The following ZFP2 variants were observed in gnomAD, a reference collection of about 807,000 sequenced individuals.
ZFP2 encodes ZFP2 zinc finger protein.
A neutral mutation model predicts 36.1 loss-of-function variants in ZFP2; 33 were observed. That is an observed-to-expected ratio of 0.92 (90% CI 0.69 to 1.22). The LOEUF (loss-of-function observed/expected upper bound fraction) is 1.22, where lower values mean the gene tolerates loss of function less well. Ranked by LOEUF, ZFP2 falls within the 50% of genes most tolerant of loss-of-function variation. The pLI, the probability that ZFP2 is intolerant of heterozygous loss-of-function variation, is 0.00. For missense variants in ZFP2, 522 were observed against 551.4 expected (o/e 0.95, Z 0.53); for synonymous variants, 170 against 178.0 (o/e 0.96, Z 0.36).
chr5:178,899,173 C>T (rs576113080), intron 1 of ZFP2, among the ~76,000 whole-genome samples: 1 of 151,954 alleles, frequency 6.6e-6, no homozygotes, highest in African/African-American at 2.4e-5. Context: ...AGTTTAAATC[C>T]CAGCTCTACC....
chr5:178,910,214 C>A (rs732531), intron 1 of ZFP2: 360,589 of 1,561,932 alleles, frequency 0.23, 44,098 homozygotes, highest in Non-Finnish European at 0.24. Context: ...TGGTTGCAGC[C>A]TGGAACTTCC....
chr5:178,910,331 C>T, intron 1 of ZFP2: 1 of 1,171,946 alleles, frequency 8.5e-7, no homozygotes. Context: ...CCTTGTAGCA[C>T]CTGAACAGTT....
Position 178,932,339 on chromosome 5 carries a change from T to C in ZFP2, c.1026T>C (p.Thr342=). ...CTTTCAGTAAGAATTCATCTCTAACTCAACATCGGAGAATTCACACTGGAG... is the reference window on the plus strand; with the variant it reads ...CTTTCAGTAAGAATTCATCTCTAACCCAACATCGGAGAATTCACACTGGAG... The part of the protein sequence containing the change: ...GKAFSKNSSL[T]QHRRIHTGEK... Residue 342 remains threonine (T), a synonymous_variant, in exon 5 of 5, where the codon ACT becomes ACC. Coordinates refer to ENST00000361362, the MANE Select transcript of ZFP2 (RefSeq NM_030613.4). 6.2e-7 allele frequency: 1 copy of C among 1,614,164 alleles called. No individual in the cohort carries two copies. Among genetic ancestry groups the C allele is most frequent in the Non-Finnish European group, 8.5e-7 (1 of 1,180,034 alleles).
At chr5:178,907,360 T>TTATA (rs2113067011) in intron 1 of ZFP2, among the ~76,000 whole-genome samples, 1 of 151,316 alleles carries the variant, frequency 6.6e-6, no homozygotes, top group East Asian at 1.9e-4. Flanking sequence ...TATACATATT[T>TTATA]TATATATGTA....
intron 1 of ZFP2, among the ~76,000 whole-genome samples, chr5:178,903,173 C>T (rs10043579): frequency 0.48 from 73,568 of 152,004 alleles, 18,041 homozygotes; most frequent in Middle Eastern, 0.54. Context: ...AATGCAATTA[C>T]GAAGTACAGT....
chr5:178,922,279 A>G (rs1758574012), intron 4 of ZFP2: 1 of 973,716 alleles, frequency 1.0e-6, no homozygotes, highest in Admixed American at 1.7e-5. Flanking sequence ...AAATAAGTTC[A>G]TTATCATACA....
At chr5:178,931,125 TCAG>T (rs1758824624) in intron 4 of ZFP2, 109 bp from the exon 5 acceptor site, 1 of 1,218,416 alleles carries the variant, frequency 8.2e-7, no homozygotes, top group Non-Finnish European at 1.1e-6. Flanking sequence ...TCAAATGTGC[TCAG>T]CAGTTATTTT....
At chr5:178,905,893 A>G (rs1758155766) in intron 1 of ZFP2, among the ~76,000 whole-genome samples, 1 of 152,072 alleles carries the variant, frequency 6.6e-6, no homozygotes, top group Non-Finnish European at 1.5e-5. Context: ...CTGGGACCAC[A>G]GGTGCACACT....
chr5:178,929,116 G>T (rs1208495204), intron 4 of ZFP2, among the ~76,000 whole-genome samples: 3 of 152,212 alleles, frequency 2.0e-5, no homozygotes, highest in African/African-American at 7.2e-5. Flanking sequence ...AGGGCACCGG[G>T]CCCTGGGCCT....
chr5:178,909,371 C>T (rs536516374), intron 1 of ZFP2, among the ~76,000 whole-genome samples: 1 of 152,306 alleles, frequency 6.6e-6, no homozygotes, highest in Admixed American at 6.5e-5. Context: ...TAGATCATTG[C>T]TTGATAAATG....
rs1325179745 is a variant in ZFP2, at chr5:178,913,195, A to G, written c.-224+124A>G. 5 of 348,660 alleles carry G rather than the reference A, an allele frequency of 1.4e-5. No homozygotes were observed. The South Asian group carries it at 3.5e-4, about 24-fold the overall frequency. The allele number at this position is 348,660 out of a possible 1,614,324, so 21.6% of individuals were successfully genotyped here. On this transcript the variant is annotated intron_variant, in intron 3 of 4. Coordinates refer to ENST00000361362, the MANE Select transcript of ZFP2 (RefSeq NM_030613.4). ...GTGTGTTCTCAGATGACACCTCCGC[A>G]TTACTGATGGGCCTCTTTTCTCTAG...
intron 4 of ZFP2, among the ~76,000 whole-genome samples, chr5:178,920,137 T>C (rs941228132): frequency 2.0e-5 from 3 of 152,196 alleles, no homozygotes; most frequent in Non-Finnish European, 4.4e-5. Context: ...GTGAGACATA[T>C]ATGAGATCTT....
Position 178,932,804 on chromosome 5 carries a change from C to T in ZFP2, c.*105C>T. On this transcript the variant is annotated 3_prime_UTR_variant, in exon 5 of 5. Transcript: ENST00000361362. ...AAATGTAATGATTGTGGGAATCTTT[C>T]AGTTGAAGTACAATATGTCATATCA... 2 of 1,367,538 alleles carry T rather than the reference C, an allele frequency of 1.5e-6. No individual in the cohort carries two copies. The highest frequency in any genetic ancestry group is 2.8e-5 in the Admixed American group (1 of 36,092). 84.7% of individuals were successfully genotyped at this position (1,367,538 alleles called of 1,614,324 possible). A position where few individuals can be genotyped will look rare whatever the true frequency, so the allele number is the denominator to read the frequency against.
rs28678700 is a variant in ZFP2, at chr5:178,931,652, G to C, written c.339G>C (p.Gln113His). 2.2e-3 allele frequency: 3,587 copies of C among 1,614,138 alleles called. 72 individuals carry two copies. The African/African-American group carries it at 0.039, about 17-fold the overall frequency. ...ATCAGTGCAGCAAAACCTTCAGTCA[G>C]AGCTCATCCCTTCTTAAGCACCAGA... ...ECNQCSKTFS[Q>H]SSSLLKHQRI... The change falls in exon 5 of 5, where the codon CAG becomes CAC. Residue 113 changes from glutamine to histidine, a missense_variant. Coordinates refer to ENST00000361362, the MANE Select transcript of ZFP2 (RefSeq NM_030613.4).
At chr5:178,917,163 A>C (rs1170157942) in intron 4 of ZFP2, among the ~76,000 whole-genome samples, 1 of 152,250 alleles carries the variant, frequency 6.6e-6, no homozygotes, top group Non-Finnish European at 1.5e-5. Context: ...AATCATATTC[A>C]GTTATGAAGG....
Position 178,932,853 on chromosome 5 carries a change from A to G in ZFP2, c.*154A>G. Reference sequence around the variant, plus strand: ...CAGATAATACCACTGCAGAGAATCCATCTAAAAGTAGAGAAATCTTGATTC... The same window carrying G: ...CAGATAATACCACTGCAGAGAATCCGTCTAAAAGTAGAGAAATCTTGATTC... On this transcript the variant is annotated 3_prime_UTR_variant, in exon 5 of 5. Coordinates refer to ENST00000361362, the MANE Select transcript of ZFP2 (RefSeq NM_030613.4). The G allele has an allele frequency of 2.1e-6, 2 of 959,472 alleles. No homozygotes were observed. Among genetic ancestry groups the G allele is most frequent in the Non-Finnish European group, 2.9e-6 (2 of 678,402 alleles). The allele number at this position is 959,472 out of a possible 1,614,324, so 59.4% of individuals were successfully genotyped here.
chr5:178,927,662 AATGTGT>A (rs1395496413), intron 4 of ZFP2, among the ~76,000 whole-genome samples: 9 of 100,850 alleles, frequency 8.9e-5, no homozygotes, highest in African/African-American at 3.4e-4. Context: ...ATACCTGGCC[AATGTGT>A]GTGTGTGTGT....
intron 4 of ZFP2, chr5:178,922,035 A>T: frequency 1.4e-6 from 1 of 728,182 alleles, no homozygotes; most frequent in South Asian, 1.5e-5. Flanking sequence ...CGCAGGCAGG[A>T]GAGTCAGCTA....
intron 1 of ZFP2, among the ~76,000 whole-genome samples, chr5:178,909,018 G>A (rs941091042): frequency 5.3e-5 from 8 of 150,294 alleles, no homozygotes; most frequent in Admixed American, 5.3e-4. Context: ...TAAGCCCAGG[G>A]CGTAAAACCC....
Sources: allele counts gnomAD v4.1 joint callset (sites outside exome capture counted in the v4.1 genomes callset), GRCh38; gene constraint gnomAD v4.1.1; transcripts MANE v1.5; gene names NCBI Gene and HGNC (gene_info 2026-07-23, HGNC 2026-07-21).